The following HIVEP1 variants were observed in gnomAD, a reference collection of about 807,000 sequenced individuals.
The protein encoded by HIVEP1 is zinc finger protein 40.
HIVEP1 carries 36 observed loss-of-function variants against 180.0 expected under a neutral mutation model. That is an observed-to-expected ratio of 0.20 (90% CI 0.15 to 0.26). The LOEUF is 0.26. Ranked by LOEUF, HIVEP1 falls within the 10% of genes least tolerant of loss-of-function variation. HIVEP1 has a pLI of 1.00. For synonymous variants in HIVEP1, 1,239 were observed against 1,239.0 expected, an observed-to-expected ratio of 1.00 and a Z score of 0.00; for missense variants, 3,143 against 3,268.7, an observed-to-expected ratio of 0.96 and a Z score of 0.94.
intron 3 of HIVEP1, among the ~76,000 whole-genome samples, chr6:12,105,286 G>A (rs923555654): frequency 2.6e-5 from 4 of 152,124 alleles, no homozygotes; most frequent in East Asian, 1.9e-4. Context: ...GTTTTAATGC[G>A]GACTCCATGC....
intron 2 of HIVEP1, among the ~76,000 whole-genome samples, chr6:12,042,719 T>A (rs1347408263): frequency 6.6e-6 from 1 of 152,148 alleles, no homozygotes; most frequent in Non-Finnish European, 1.5e-5. Context: ...TAGGTTTAGT[T>A]TATCAAATAT....
chr6:12,044,011 T>G (rs1769951200), intron 2 of HIVEP1, among the ~76,000 whole-genome samples: 1 of 152,104 alleles, frequency 6.6e-6, no homozygotes, highest in South Asian at 2.1e-4. Context: ...TGTGAATGTG[T>G]GGTTATTCTG....
chr6:12,165,462 A>G (rs1176022400), downstream of HIVEP1, among the ~76,000 whole-genome samples: 3 of 152,164 alleles, frequency 2.0e-5, no homozygotes, highest in Non-Finnish European at 2.9e-5. Context: ...AGCTCTGTCC[A>G]GCACTGAACT....
At chr6:12,144,596 A>G (rs1431434554) in intron 7 of HIVEP1, among the ~76,000 whole-genome samples, 1 of 151,666 alleles carries the variant, frequency 6.6e-6, no homozygotes, top group East Asian at 2.0e-4. Context: ...AACCTATGGA[A>G]TGGGAGAAAA....
At chr6:12,056,568 A>G (rs2113737018) in intron 2 of HIVEP1, among the ~76,000 whole-genome samples, 1 of 152,270 alleles carries the variant, frequency 6.6e-6, no homozygotes, top group African/African-American at 2.4e-5. Flanking sequence ...GATTTGTCTA[A>G]TTAGATTATC....
rs576680579 is a variant in HIVEP1, at chr6:12,012,481, A to T, written c.-189A>T. On this transcript the variant is annotated 5_prime_UTR_variant, in exon 1 of 9. Coordinates refer to ENST00000379388, the MANE Select transcript of HIVEP1 (RefSeq NM_002114.4). ...CCGCCGCCGCGCGGGGGTCGCGGAG[A>T]TCCCGAGCCGCGGCCGCCGCCATCA... The T allele has an allele frequency of 6.7e-6, 1 of 149,666 alleles. No homozygotes were observed. The highest frequency in any genetic ancestry group is 1.5e-5 in the Non-Finnish European group (1 of 67,222). 9.3% of individuals were successfully genotyped at this position (149,666 alleles called of 1,614,324 possible).
intron 2 of HIVEP1, among the ~76,000 whole-genome samples, chr6:12,029,715 C>T (rs577883478): frequency 6.6e-6 from 1 of 152,078 alleles, no homozygotes; most frequent in East Asian, 1.9e-4. Flanking sequence ...ATCTCCTTTT[C>T]TTTCTCCTTT....
chr6:12,065,600 C>T (rs186961564), intron 2 of HIVEP1, among the ~76,000 whole-genome samples: 185 of 152,166 alleles, frequency 1.2e-3, no homozygotes, highest in African/African-American at 4.4e-3. Flanking sequence ...TCTGTGAATT[C>T]GCTTCTGTGT....
chr6:12,083,601 C>T (rs904403229), intron 2 of HIVEP1, among the ~76,000 whole-genome samples: 1 of 152,074 alleles, frequency 6.6e-6, no homozygotes, highest in Non-Finnish European at 1.5e-5. Context: ...TCAGGGAAGG[C>T]TGCCTACCAG....
intron 2 of HIVEP1, among the ~76,000 whole-genome samples, chr6:12,076,688 C>G (rs1480878692): frequency 1.3e-5 from 2 of 152,078 alleles, no homozygotes; most frequent in Non-Finnish European, 2.9e-5. Flanking sequence ...GCCTTCATGA[C>G]CTAAACACCG....
chr6:12,086,957 T>C (rs1241256280), intron 2 of HIVEP1, among the ~76,000 whole-genome samples: 1 of 152,076 alleles, frequency 6.6e-6, no homozygotes, highest in Admixed American at 6.6e-5. Flanking sequence ...AGGAGAATTA[T>C]AAAAACACAC....
At chr6:12,149,808 G>C (rs944774701) in intron 7 of HIVEP1, among the ~76,000 whole-genome samples, 3 of 152,068 alleles carry the variant, frequency 2.0e-5, no homozygotes, top group African/African-American at 7.2e-5. Flanking sequence ...TATTGTGCCT[G>C]GTCCCTGGTT....
chr6:12,181,541 G>T, the HIVEP1 span, among the ~76,000 whole-genome samples: 1 of 151,906 alleles, frequency 6.6e-6, no homozygotes, highest in Non-Finnish European at 1.5e-5. Context: ...CTCCCAAGTA[G>T]CTGGGACTAC....
intron 7 of HIVEP1, among the ~76,000 whole-genome samples, chr6:12,161,131 A>G (rs886878839): frequency 1.3e-5 from 2 of 152,162 alleles, no homozygotes; most frequent in Non-Finnish European, 2.9e-5. Context: ...TTCAAGTGCA[A>G]TCTTAGAGGC....
intron 2 of HIVEP1, chr6:12,038,078 A>G (rs1430005352): frequency 3.8e-6 from 1 of 265,596 alleles, no homozygotes; most frequent in Non-Finnish European, 7.0e-6. Context: ...AACCTGATGT[A>G]TCTGTTAGAC....
At chr6:12,171,110 TA>T in the HIVEP1 span, among the ~76,000 whole-genome samples, 1 of 152,180 alleles carries the variant, frequency 6.6e-6, no homozygotes, top group Non-Finnish European at 1.5e-5. Context: ...TTAAGTGTAC[TA>T]AAAAACAGCA....
At chr6:12,018,742 C>T (rs1767999982) in intron 2 of HIVEP1, among the ~76,000 whole-genome samples, 1 of 152,120 alleles carries the variant, frequency 6.6e-6, no homozygotes, top group East Asian at 1.9e-4. Context: ...TGCATTTCAT[C>T]CTGGGGTAGC....
In HIVEP1 at chr6:12,121,816, G is replaced by T. The variant is rs1757697535; in HGVS notation, c.2021G>T (p.Gly674Val). 6.2e-7 allele frequency: 1 copy of T among 1,614,034 alleles called. No homozygotes were observed. Among genetic ancestry groups the T allele is most frequent in the African/African-American group, 1.3e-5 (1 of 74,898 alleles). Reference protein sequence around the residue: ...SPRSLGSTDSGYFSRSESADQ... With the variant: ...SPRSLGSTDSVYFSRSESADQ... ...CGAAGTTTAGGAAGTACGGATTCTG[G>T]TTACTTTTCACGTTCTGAAAGTGCC... The change falls in exon 4 of 9, where the codon GGT becomes GTT. Residue 674 changes from glycine to valine, a missense_variant. This residue lies in a region of HIVEP1 where 365 missense variants were observed against 344.4 expected (regional missense o/e 1.06). Coordinates refer to ENST00000379388, the MANE Select transcript of HIVEP1 (RefSeq NM_002114.4). This position sits in a 1 kb window ranked among gnomAD's most constrained non-coding sequence, Gnocchi z 5.3.
At chr6:12,044,446 C>A (rs1351661522) in intron 2 of HIVEP1, among the ~76,000 whole-genome samples, 1 of 152,194 alleles carries the variant, frequency 6.6e-6, no homozygotes, top group African/African-American at 2.4e-5. Context: ...CCCTCACCAT[C>A]CTATCGCCCT....
Sources: allele counts gnomAD v4.1 joint callset (sites outside exome capture counted in the v4.1 genomes callset), GRCh38; gene constraint gnomAD v4.1.1; regional missense constraint gnomAD v4.1.1; non-coding constraint Gnocchi (gnomAD v3.1); transcripts MANE v1.5; gene names NCBI Gene and HGNC (gene_info 2026-07-23, HGNC 2026-07-21).